Variants in PLCG2 observed in about 807,000 individuals in gnomAD.
PLCG2 encodes the protein phospholipase C gamma 2, also known as 1-phosphatidylinositol 4,5-bisphosphate phosphodiesterase gamma-2.
Under a neutral mutation model 175.6 loss-of-function variants are expected in PLCG2, and 69 were observed. The observed-to-expected ratio is 0.39, with a 90% CI of 0.32 to 0.48. The LOEUF (loss-of-function observed/expected upper bound fraction) is 0.48, where lower values mean the gene tolerates loss of function less well. Ranked by LOEUF, PLCG2 falls within the 20% of genes least tolerant of loss-of-function variation. The pLI, the probability that PLCG2 is intolerant of heterozygous loss-of-function variation, is 0.91. For synonymous variants in PLCG2, 827 were observed against 624.0 expected (o/e 1.33, Z -4.85); for missense variants, 1,798 against 1,650.9 (o/e 1.09, Z -1.54).
chr16:81,837,382 G>T (rs753668174), intron 2 of PLCG2, among the ~76,000 whole-genome samples: 1 of 152,226 alleles, frequency 6.6e-6, no homozygotes, highest in Non-Finnish European at 1.5e-5. Flanking sequence ...CACCCTGCAG[G>T]CCACTTCCTC....
At chr16:81,860,172 A>ATTATTATTT (rs763047744) in intron 5 of PLCG2, among the ~76,000 whole-genome samples, 217 of 120,602 alleles carry the variant, frequency 1.8e-3, no homozygotes, top group Middle Eastern at 8.8e-3. Context: ...TATTATTATT[A>ATTATTATTT]TTTTTTTTTT....
At chr16:81,798,548 C>A (rs923029428) in intron 2 of PLCG2, 1 of 152,246 alleles carries the variant, frequency 6.6e-6, no homozygotes, top group Non-Finnish European at 1.5e-5. Context: ...CACATCACAG[C>A]CTGGGGGCCA....
chr16:81,880,198 G>A (rs1908009934), intron 7 of PLCG2, among the ~76,000 whole-genome samples: 1 of 152,166 alleles, frequency 6.6e-6, no homozygotes, highest in African/African-American at 2.4e-5. Flanking sequence ...CTATGGTCGT[G>A]CCACTGCACT....
chr16:81,938,728 C>G, intron 28 of PLCG2, 73 bp from the exon 29 acceptor site: 1 of 845,020 alleles, frequency 1.2e-6, no homozygotes, highest in Admixed American at 2.1e-5. Flanking sequence ...ACTCTAGAAC[C>G]CAGCTGCAAT....
At chr16:81,818,908 A>G (rs1302777733) in intron 2 of PLCG2, among the ~76,000 whole-genome samples, 3 of 47,538 alleles carry the variant, frequency 6.3e-5, no homozygotes, top group African/African-American at 1.1e-4. Context: ...TTTTTTTTTT[A>G]CTGTGGTGGG....
At chr16:81,855,168 G>A (rs542163099) in intron 3 of PLCG2, among the ~76,000 whole-genome samples, 13 of 151,248 alleles carry the variant, frequency 8.6e-5, no homozygotes, top group Non-Finnish European at 1.9e-4. Context: ...CCTACAGTCT[G>A]GGTGACAGAG....
chr16:81,887,354 C>T (rs2143589575), intron 9 of PLCG2, among the ~76,000 whole-genome samples: 1 of 152,274 alleles, frequency 6.6e-6, no homozygotes, highest in East Asian at 1.9e-4. Context: ...CTCCTGACCT[C>T]ATGATCCGCC....
chr16:81,884,317 C>G (rs745777003), intron 9 of PLCG2, among the ~76,000 whole-genome samples: 7 of 152,050 alleles, frequency 4.6e-5, no homozygotes. Flanking sequence ...CGCCACTGGA[C>G]TGCAGCCTGG....
chr16:81,820,566 T>C lies in PLCG2; in HGVS notation c.194-33878T>C, dbSNP rs139485898. ...ACCACTGCCTACTCCCCCATTCTCC[T>C]CATGGGAGATCTTGGGCATATCAGT... On this transcript the variant is annotated intron_variant, in intron 2 of 32. Coordinates refer to ENST00000564138, the MANE Select transcript of PLCG2 (RefSeq NM_002661.5). Among the ~76,000 whole-genome samples the C allele has an allele frequency of 3.5e-3, 532 of 152,304 alleles. 5 individuals are homozygous for C. Among genetic ancestry groups the C allele is most frequent in the African/African-American group, 0.012 (509 of 41,550 alleles).
chr16:81,769,137 G>A (rs943068224), intron 2 of PLCG2, among the ~76,000 whole-genome samples: 4 of 152,210 alleles, frequency 2.6e-5, no homozygotes, highest in African/African-American at 7.2e-5. Context: ...TGTCTCAGAT[G>A]CCATGTGAGT....
intron 19 of PLCG2, among the ~76,000 whole-genome samples, chr16:81,915,069 T>TGTCA (rs1909787055): frequency 6.6e-6 from 1 of 152,230 alleles, no homozygotes; most frequent in Non-Finnish European, 1.5e-5. Flanking sequence ...GAAGCGTCAC[T>TGTCA]GTCCTTCACT....
intron 13 of PLCG2, among the ~76,000 whole-genome samples, chr16:81,897,031 G>T (rs1597115940): frequency 6.6e-6 from 1 of 152,206 alleles, no homozygotes; most frequent in Non-Finnish European, 1.5e-5. Flanking sequence ...TGTGGTCTCT[G>T]TTGCAACTAT....
chr16:81,927,003 C>A (rs551315033), intron 22 of PLCG2, 79 bp from the exon 23 acceptor site: 3 of 879,280 alleles, frequency 3.4e-6, no homozygotes, highest in East Asian at 4.8e-5. Context: ...ATTGAGCCAG[C>A]AGCCGGGTGC....
At chr16:81,886,466 G>C (rs1039992591) in intron 9 of PLCG2, among the ~76,000 whole-genome samples, 3 of 152,162 alleles carry the variant, frequency 2.0e-5, no homozygotes, top group Non-Finnish European at 2.9e-5. Flanking sequence ...TTTACAACTC[G>C]ATTCTATATC....
At chr16:81,897,926 A>G (rs1244793023) in intron 13 of PLCG2, 1 of 451,612 alleles carries the variant, frequency 2.2e-6, no homozygotes, top group Non-Finnish European at 4.5e-6. Context: ...GAAATTATGG[A>G]CGTCTTTTCG....
intron 2 of PLCG2, among the ~76,000 whole-genome samples, chr16:81,827,778 A>T (rs7499275): frequency 6.6e-6 from 1 of 151,734 alleles, no homozygotes; most frequent in Admixed American, 6.6e-5. Context: ...GTTACTGTGA[A>T]ATCTCCTCAT....
intron 31 of PLCG2, among the ~76,000 whole-genome samples, chr16:81,955,608 C>T (rs964712697): frequency 2.4e-4 from 37 of 152,196 alleles, no homozygotes; most frequent in African/African-American, 7.5e-4. Context: ...TCTCTGTGCT[C>T]ACTCAGTGGC....
rs7186067 is a variant in PLCG2 at position 81,774,021 on chromosome 16, A to G, written c.-47-11922A>G. 6.0e-3 allele frequency among the ~76,000 whole-genome samples: 916 copies of G among 152,072 alleles called. 12 individuals carry two copies. Among genetic ancestry groups the G allele is most frequent in the African/African-American group, 0.021 (872 of 41,482 alleles). Reference sequence around the variant, plus strand: ...AATAAATGAGCTCCACCAGGACTCCAGGTTAGAGGTGCTCAAAGCAAAACC... The same window carrying G: ...AATAAATGAGCTCCACCAGGACTCCGGGTTAGAGGTGCTCAAAGCAAAACC... On this transcript the variant is annotated intron_variant, in intron 2 of 5. Coordinates refer to the PLCG2 transcript ENST00000565054.
At chr16:81,888,339 T>C (rs1231831509) in intron 9 of PLCG2, among the ~76,000 whole-genome samples, 1 of 151,990 alleles carries the variant, frequency 6.6e-6, no homozygotes, top group East Asian at 1.9e-4. Flanking sequence ...GCCTCCTGAG[T>C]AGCTGGGATT....
Sources: allele counts gnomAD v4.1 joint callset (sites outside exome capture counted in the v4.1 genomes callset), GRCh38; gene constraint gnomAD v4.1.1; transcripts MANE v1.5; gene names NCBI Gene and HGNC (gene_info 2026-07-23, HGNC 2026-07-21).